The following VWCE variants were observed in gnomAD, a reference collection of about 807,000 sequenced individuals.
VWCE encodes von Willebrand factor C and EGF domains, also known as von Willebrand factor C and EGF domain-containing protein.
In VWCE, 68 loss-of-function variants were observed where a neutral mutation model predicts 102.9. The observed-to-expected ratio is 0.66, with a 90% CI of 0.54 to 0.81. The LOEUF (loss-of-function observed/expected upper bound fraction) is 0.81, where lower values mean the gene tolerates loss of function less well. Among genes scored for constraint, VWCE ranks in the 30% least tolerant of loss-of-function variants. The pLI is 0.00. For synonymous variants in VWCE, 497 were observed against 515.4 expected (o/e 0.96, Z 0.48); for missense variants, 1,137 against 1,263.6 (o/e 0.90, Z 1.52).
chr11:61,277,196 G>C (rs1171081552), intron 10 of VWCE, among the ~76,000 whole-genome samples: 1 of 151,924 alleles, frequency 6.6e-6, no homozygotes, highest in Non-Finnish European at 1.5e-5. Context: ...GAGGGAACTT[G>C]ACTGCTGTGC....
In VWCE at chr11:61,272,549, G is replaced by GAC. The variant is rs138162210; in HGVS notation, c.1699+648_1699+649dup. 4.0e-3 allele frequency among the ~76,000 whole-genome samples: 603 copies of GAC among 150,446 alleles called. 4 individuals are homozygous for GAC. The highest frequency in any genetic ancestry group is 0.014 in the African/African-American group (574 of 40,876). On this transcript the variant is annotated intron_variant, in intron 13 of 19. Transcript: ENST00000335613. ...CTCCCACAGATACCATTAACACACTGACACACACACACAGAAAACTATTCA... is the reference window on the plus strand; with the variant it reads ...CTCCCACAGATACCATTAACACACTGACACACACACACACAGAAAACTATTCA...
intron 11 of VWCE, 30 bp downstream of exon 11, chr11:61,276,563 A>AG: frequency 6.8e-7 from 1 of 1,477,650 alleles, no homozygotes; most frequent in East Asian, 2.5e-5. Context: ...AAAAAAAAAA[A>AG]AAGCAAAATG....
intron 12 of VWCE, 62 bp from the exon 13 acceptor site, chr11:61,273,378 C>A: frequency 6.8e-7 from 1 of 1,478,552 alleles, no homozygotes; most frequent in Non-Finnish European, 9.1e-7. Flanking sequence ...CCATGGAGAG[C>A]TAGAGGAGGC....
chr11:61,282,164 T>C (rs1346644616), intron 6 of VWCE, among the ~76,000 whole-genome samples: 1 of 152,344 alleles, frequency 6.6e-6, no homozygotes, highest in African/African-American at 2.4e-5. Flanking sequence ...CCCAGCACTA[T>C]GCAGCGGTAA....
intron 19 of VWCE, among the ~76,000 whole-genome samples, chr11:61,260,029 C>T (rs1179972064): frequency 2.6e-5 from 4 of 152,112 alleles, no homozygotes; most frequent in Non-Finnish European, 4.4e-5. Context: ...GCCGAGGCGG[C>T]GGATCACCTG....
intron 4 of VWCE, among the ~76,000 whole-genome samples, chr11:61,287,973 G>A (rs1855385864): frequency 6.6e-6 from 1 of 151,756 alleles, no homozygotes; most frequent in Non-Finnish European, 1.5e-5. Context: ...GGCCAACATG[G>A]TGAAACCCCG....
intron 19 of VWCE, among the ~76,000 whole-genome samples, chr11:61,264,026 C>T (rs1344102998): frequency 4.6e-5 from 7 of 151,592 alleles, no homozygotes; most frequent in Admixed American, 4.6e-4. Context: ...GAGATCGAGA[C>T]CATCCTGGCT....
chr11:61,280,973 C>T lies in VWCE; in HGVS notation c.1050G>A (p.Leu350=). 1 of 1,536,858 alleles carries T rather than the reference C, an allele frequency of 6.5e-7. No individual in the cohort carries two copies. Among genetic ancestry groups the T allele is most frequent in the Non-Finnish European group, 8.7e-7 (1 of 1,143,644 alleles). The change falls in exon 8 of 20, where the codon CTG becomes CTA. Residue 350 remains leucine (L), a synonymous_variant. Transcript: ENST00000335613. ...LLATPVPTAS[L]LGNLRPPSLL... ...GTGAGGGGGGTCTGAGGTTCCCCAGCAGGGAGGCAGTAGGCACTGGGGTGG... is the reference window on the plus strand; with the variant it reads ...GTGAGGGGGGTCTGAGGTTCCCCAGTAGGGAGGCAGTAGGCACTGGGGTGG...
Position 61,281,918 on chromosome 11 carries a change from C to T in VWCE, c.659-4G>A, listed in dbSNP as rs940894665. ...GGCCTCCGACACTCGTTTACATCTG[C>T]GGGAGAGCCTCGCTGCGGACAGCTG... On this transcript the variant is annotated splice_polypyrimidine_tract_variant and splice_region_variant and intron_variant, in intron 6 of 19. Transcript: ENST00000335613. 1.2e-6 allele frequency: 2 copies of T among 1,611,072 alleles called. No homozygotes were observed. The highest frequency in any genetic ancestry group is 1.3e-5 in the African/African-American group (1 of 74,878).
chr11:61,266,328 C>A (rs1166179419), intron 16 of VWCE, among the ~76,000 whole-genome samples: 1 of 151,950 alleles, frequency 6.6e-6, no homozygotes, highest in Non-Finnish European at 1.5e-5. Context: ...TTGCCTGAGC[C>A]CAGAAGTTCC....
intron 1 of VWCE, among the ~76,000 whole-genome samples, chr11:61,293,446 C>T (rs918645545): frequency 6.6e-6 from 1 of 150,670 alleles, no homozygotes; most frequent in Non-Finnish European, 1.5e-5. Context: ...GTAGGGCAGC[C>T]AGCAAAAGAA....
At chr11:61,262,445 A>G (rs1371752476) in intron 19 of VWCE, among the ~76,000 whole-genome samples, 3 of 152,260 alleles carry the variant, frequency 2.0e-5, no homozygotes, top group Admixed American at 6.5e-5. Context: ...GGAACACTCC[A>G]TGAACATTTA....
chr11:61,259,052 T>C lies in VWCE; in HGVS notation c.2491A>G (p.Thr831Ala), dbSNP rs1854275699. 1.9e-6 allele frequency: 3 copies of C among 1,613,826 alleles called. No individual in the cohort carries two copies. The highest frequency in any genetic ancestry group is 2.5e-6 in the Non-Finnish European group (3 of 1,179,880). Residue 831 changes from threonine (T) to alanine (A), a missense_variant, in exon 20 of 20, where the codon ACA becomes GCA. By Grantham distance (58) the Thr-to-Ala change is moderately conservative. Transcript: ENST00000335613. ...CCAGGCTCCCCTGGGAAAGTGGCTG[T>C]CAGCCCCAAAGCGAGTGAGTGTGGA... is the stretch of plus-strand genomic sequence containing the variant. ...HGPHSLALGL[T>A]ATFPGEPGAS...
At chr11:61,267,315 G>T in intron 16 of VWCE, 147 bp downstream of exon 16, 2 of 763,294 alleles carry the variant, frequency 2.6e-6, no homozygotes, top group Non-Finnish European at 4.4e-6. Context: ...GGTCACCCTG[G>T]GCAGGACTGG....
In VWCE at chr11:61,278,521, G is replaced by T. The variant is rs370014692; in HGVS notation, c.1325-45C>A. 4 of 1,591,450 alleles carry T rather than the reference G, an allele frequency of 2.5e-6. No individual in the cohort carries two copies. In the African/African-American group the frequency reaches 5.4e-5, roughly 21 times the overall value. ...GGTAGAGGCATCAGACCTCTTCAAA[G>T]AAGAGGAAACTTGAGGTCTCGCTGC... On this transcript the variant is annotated intron_variant, in intron 9 of 19. Transcript: ENST00000335613.
At chr11:61,284,061 C>G (rs1855230606) in intron 5 of VWCE, among the ~76,000 whole-genome samples, 2 of 152,166 alleles carry the variant, frequency 1.3e-5, no homozygotes, top group Admixed American at 1.3e-4. Context: ...AAAGGAATGA[C>G]TAGGTTCAAA....
chr11:61,277,303 C>G (rs1854959308), intron 10 of VWCE, among the ~76,000 whole-genome samples: 1 of 151,924 alleles, frequency 6.6e-6, no homozygotes, highest in South Asian at 2.1e-4. Context: ...GATGCCAGAG[C>G]AAGAGACACT....
rs1374388266 is a variant in VWCE at position 61,274,552 on chromosome 11, C to T, written c.1528G>A (p.Asp510Asn). Residue 510 changes from aspartate (D) to asparagine (N), a missense_variant, in exon 12 of 20, where the codon GAC (aspartate) becomes AAC (asparagine). Asp to Asn is a conservative substitution (Grantham distance 23, BLOSUM62 1). Around this residue, in one of 5 missense-constraint regions of VWCE, gnomAD observed 212 missense variants for 235.1 expected, o/e 0.90. Transcript: ENST00000335613. ...CCACCCCCACTGAACACAGCCCCGT[C>T]TGCGTACCACCGGCCGTGGAAATAG... ...RCYFHGRWYADGAVFSGGGDE... is the reference protein window; with the variant it reads ...RCYFHGRWYANGAVFSGGGDE... 2 of 1,613,756 alleles carry T rather than the reference C, an allele frequency of 1.2e-6. No homozygotes were observed. The highest frequency in any genetic ancestry group is 2.7e-5 in the African/African-American group (2 of 74,890).
chr11:61,277,445 C>CAA (rs776374059), intron 10 of VWCE, among the ~76,000 whole-genome samples: 21 of 53,850 alleles, frequency 3.9e-4, no homozygotes, highest in Admixed American at 1.3e-3. Context: ...CCTGCCTCTA[C>CAA]AAAAAAAAAA....
Sources: allele counts gnomAD v4.1 joint callset (sites outside exome capture counted in the v4.1 genomes callset), GRCh38; gene constraint gnomAD v4.1.1; regional missense constraint gnomAD v4.1.1; transcripts MANE v1.5; gene names NCBI Gene and HGNC (gene_info 2026-07-23, HGNC 2026-07-21).